FYB2: variants seen among roughly 807,000 people sequenced by gnomAD.
FYB2 encodes the protein FYN binding protein 2.
Under a neutral mutation model 94.1 loss-of-function variants are expected in FYB2, and 103 were observed. The observed-to-expected ratio is 1.09, with a 90% confidence interval of 0.93 to 1.29. FYB2 has a LOEUF of 1.29. Ranked by LOEUF, FYB2 falls within the 50% of genes most tolerant of loss-of-function variation. The probability of loss-of-function intolerance (pLI) is 0.00; values close to 1 mark genes in which losing one functional copy is unlikely to be tolerated. For synonymous variants in FYB2, 293 were observed against 287.9 expected, an observed-to-expected ratio of 1.02 and a Z score of -0.18; for missense variants, 896 against 841.5, an observed-to-expected ratio of 1.06 and a Z score of -0.80.
At chr1:56,808,257 G>T (rs971471363) in intron 1 of FYB2, among the ~76,000 whole-genome samples, 4 of 152,120 alleles carry the variant, frequency 2.6e-5, no homozygotes, top group Middle Eastern at 3.2e-3. Flanking sequence ...CTAGTAAATA[G>T]CAGAACTAGA....
At chr1:56,807,628 C>A (rs920324146) in intron 1 of FYB2, among the ~76,000 whole-genome samples, 23 of 152,172 alleles carry the variant, frequency 1.5e-4, no homozygotes, top group Admixed American at 1.4e-3. Context: ...GAGCTTGCAC[C>A]ACTGCAGTAG....
chr1:56,816,863 C>CTT (rs11415687), intron 1 of FYB2, among the ~76,000 whole-genome samples: 1,457 of 140,154 alleles, frequency 0.01, 23 homozygotes, highest in African/African-American at 0.023. Context: ...CAACAATTTT[C>CTT]TTTTTTTTTT....
intron 8 of FYB2, 42 bp downstream of exon 8, chr1:56,753,797 C>T (rs1232193678): frequency 1.4e-6 from 2 of 1,402,522 alleles, no homozygotes; most frequent in Non-Finnish European, 1.0e-6. Flanking sequence ...ATGAACTGAT[C>T]TGTTATATGT....
At chr1:56,826,222 AC>A in the FYB2 span, among the ~76,000 whole-genome samples, 1,833 of 152,170 alleles carry the variant, frequency 0.012, 39 homozygotes, top group African/African-American at 0.042. Flanking sequence ...TGGGAGGGGT[AC>A]CCCCTGCCTT....
At chr1:56,723,225 G>GCA (rs766115690) in intron 17 of FYB2, among the ~76,000 whole-genome samples, 40 of 142,428 alleles carry the variant, frequency 2.8e-4, no homozygotes, top group African/African-American at 8.7e-4. Flanking sequence ...ACACACACAC[G>GCA]CACACACACA....
intron 4 of FYB2, among the ~76,000 whole-genome samples, chr1:56,770,702 T>A (rs2100830098): frequency 6.6e-6 from 1 of 152,256 alleles, no homozygotes; most frequent in Non-Finnish European, 1.5e-5. Context: ...AGATAAACGC[T>A]CTTCACTAGA....
At chr1:56,782,267 C>T (rs1056570733) in intron 4 of FYB2, among the ~76,000 whole-genome samples, 1 of 151,988 alleles carries the variant, frequency 6.6e-6, no homozygotes, top group East Asian at 1.9e-4. Flanking sequence ...CTTTCTTGAC[C>T]ATCCTAAGCT....
At chr1:56,758,863 GA>G in intron 5 of FYB2, 113 bp from the exon 6 acceptor site, 1 of 723,786 alleles carries the variant, frequency 1.4e-6, no homozygotes, top group South Asian at 2.3e-5. Context: ...TCACCTTTAA[GA>G]ACATCAGACT....
chr1:56,739,358 ACT>A (rs1644900029), intron 13 of FYB2, among the ~76,000 whole-genome samples: 1 of 151,790 alleles, frequency 6.6e-6, no homozygotes, highest in Admixed American at 6.6e-5. Context: ...CGCTGACCAC[ACT>A]CCCTCTTCTT....
chr1:56,790,005 A>G (rs553839567), intron 2 of FYB2, among the ~76,000 whole-genome samples: 5 of 152,336 alleles, frequency 3.3e-5, no homozygotes, highest in Admixed American at 6.5e-5. Context: ...CCAATTTTAC[A>G]TATATTTGTC....
chr1:56,784,453 G>T (rs1434975042), intron 4 of FYB2, among the ~76,000 whole-genome samples: 1 of 152,152 alleles, frequency 6.6e-6, no homozygotes, highest in African/African-American at 2.4e-5. Context: ...GATCATGGAT[G>T]ATATTCTTCC....
intron 4 of FYB2, among the ~76,000 whole-genome samples, chr1:56,768,414 C>T (rs750576962): frequency 3.9e-5 from 6 of 152,110 alleles, no homozygotes; most frequent in Admixed American, 1.3e-4. Flanking sequence ...ATCTGTAAAA[C>T]GAGTACTAAA....
intron 15 of FYB2, among the ~76,000 whole-genome samples, chr1:56,730,848 C>T (rs1038865260): frequency 6.6e-6 from 1 of 151,976 alleles, no homozygotes; most frequent in Non-Finnish European, 1.5e-5. Flanking sequence ...AATTACAGGT[C>T]GATATCCCTG....
intron 1 of FYB2, among the ~76,000 whole-genome samples, chr1:56,815,098 G>A (rs1177166944): frequency 1.3e-5 from 2 of 152,022 alleles, no homozygotes; most frequent in Non-Finnish European, 2.9e-5. Context: ...TTGCTTATTG[G>A]GATTCCACTC....
the FYB2 span, among the ~76,000 whole-genome samples, chr1:56,826,098 C>T: frequency 2.0e-5 from 3 of 152,220 alleles, no homozygotes; most frequent in Non-Finnish European, 4.4e-5. Flanking sequence ...ATAATCTTTG[C>T]ATCAAGGGAA....
chr1:56,775,607 A>G (rs1645857662), intron 4 of FYB2, among the ~76,000 whole-genome samples: 1 of 152,236 alleles, frequency 6.6e-6, no homozygotes, highest in Non-Finnish European at 1.5e-5. Flanking sequence ...CTCACAGAGT[A>G]GTTAGCAGCA....
chr1:56,756,890 A>G (rs916331369), intron 6 of FYB2, among the ~76,000 whole-genome samples: 2 of 152,154 alleles, frequency 1.3e-5, no homozygotes, highest in Non-Finnish European at 2.9e-5. Context: ...GTAGAAAAAA[A>G]GGGAAAAGAA....
chr1:56,776,531 C>T (rs548444311), intron 4 of FYB2, among the ~76,000 whole-genome samples: 1 of 152,166 alleles, frequency 6.6e-6, no homozygotes, highest in South Asian at 2.1e-4. Flanking sequence ...AAGCAGATTC[C>T]TAATAAACCA....
chr1:56,769,323 G>A (rs1354303594), intron 4 of FYB2, among the ~76,000 whole-genome samples: 2 of 152,114 alleles, frequency 1.3e-5, no homozygotes, highest in African/African-American at 4.8e-5. Context: ...TTACAGTCAT[G>A]AGCCACTGGC....
Sources: allele counts gnomAD v4.1 joint callset (sites outside exome capture counted in the v4.1 genomes callset), GRCh38; gene constraint gnomAD v4.1.1; transcripts MANE v1.5; gene names NCBI Gene and HGNC (gene_info 2026-07-23, HGNC 2026-07-21).